Variants in PTBP3 observed in about 807,000 individuals in gnomAD.
PTBP3 encodes polypyrimidine tract-binding protein 3.
PTBP3 carries 20 observed loss-of-function variants against 58.7 expected under a neutral mutation model. That is an observed-to-expected ratio of 0.34 (90% confidence interval 0.24 to 0.50). PTBP3 has a LOEUF of 0.50. PTBP3 is among the 20% of genes least tolerant of loss of function. The pLI, the probability that PTBP3 is intolerant of heterozygous loss-of-function variation, is 0.98. For synonymous variants in PTBP3, 185 were observed against 219.8 expected (o/e 0.84, Z 1.40); for missense variants, 509 against 637.2 (o/e 0.80, Z 2.17).
At chr9:112,259,178 C>T (rs765466838) in intron 5 of PTBP3, among the ~76,000 whole-genome samples, 3 of 152,134 alleles carry the variant, frequency 2.0e-5, no homozygotes, top group African/African-American at 4.8e-5. Context: ...GTCTTGAACA[C>T]CTGAGCTCAG....
chr9:112,365,188 G>GT, the PTBP3 span, among the ~76,000 whole-genome samples: 1 of 151,936 alleles, frequency 6.6e-6, no homozygotes, highest in African/African-American at 2.4e-5. Flanking sequence ...ATATATGTAT[G>GT]TATCTATCTA....
intron 5 of PTBP3, among the ~76,000 whole-genome samples, chr9:112,256,286 TA>T (rs373621970): frequency 0.57 from 79,312 of 139,524 alleles, 24,697 homozygotes; most frequent in African/African-American, 0.83. Flanking sequence ...TATATATATA[TA>T]TATATACATA....
chr9:112,326,463 T>C (rs967479969), intron 1 of PTBP3, among the ~76,000 whole-genome samples: 2 of 152,204 alleles, frequency 1.3e-5, no homozygotes, highest in African/African-American at 4.8e-5. Context: ...ATGTGGCCCA[T>C]AGCCATAGTT....
chr9:112,333,450 C>G lies in PTBP3; in HGVS notation c.-52+20G>C. 6.4e-7 allele frequency: 1 copy of G among 1,574,150 alleles called. No homozygotes were observed. Among genetic ancestry groups the G allele is most frequent in the Non-Finnish European group, 8.6e-7 (1 of 1,160,978 alleles). ...GCGCCAAGGCAACCCGGTGCGGCCGCCGCGCCGCCTAGTACTTACCCATCC... is the reference window on the plus strand; with the variant it reads ...GCGCCAAGGCAACCCGGTGCGGCCGGCGCGCCGCCTAGTACTTACCCATCC... On this transcript the variant is annotated intron_variant, in intron 1 of 13. Transcript: ENST00000374257.
At chr9:112,376,112 CT>C in the PTBP3 span, among the ~76,000 whole-genome samples, 1 of 147,052 alleles carries the variant, frequency 6.8e-6, no homozygotes, top group Non-Finnish European at 1.5e-5. Flanking sequence ...GTTCTGGACC[CT>C]ACTTCTGGTA....
rs1225984758 is a variant in PTBP3, at chr9:112,221,195, A to G, written c.*2656T>C. ...CTTAATTTGGTTAATTTTGTCAATAAATTAAAATGTATGTAATGTGCATAT... is the reference window on the plus strand; with the variant it reads ...CTTAATTTGGTTAATTTTGTCAATAGATTAAAATGTATGTAATGTGCATAT... On this transcript the variant is annotated 3_prime_UTR_variant, in exon 14 of 14. Transcript: ENST00000374257. 1.0e-6 allele frequency: 1 copy of G among 985,572 alleles called. No homozygotes were observed. Among genetic ancestry groups the G allele is most frequent in the Non-Finnish European group, 1.2e-6 (1 of 829,674 alleles). 61.1% of individuals were successfully genotyped at this position (985,572 alleles called of 1,614,324 possible). A position where few individuals can be genotyped will look rare whatever the true frequency, so the allele number is the denominator to read the frequency against.
the PTBP3 span, among the ~76,000 whole-genome samples, chr9:112,370,513 A>T: frequency 6.6e-6 from 1 of 152,084 alleles, no homozygotes; most frequent in East Asian, 1.9e-4. Flanking sequence ...TGCATTCCAG[A>T]CTGGATGACA....
At chr9:112,226,937 T>A (rs1025296094) in intron 12 of PTBP3, among the ~76,000 whole-genome samples, 1 of 152,228 alleles carries the variant, frequency 6.6e-6, no homozygotes. Flanking sequence ...TAAAGAGACC[T>A]GTACAGTGGC....
rs138230252 is a variant in PTBP3 at position 112,261,634 on chromosome 9, G to A, written c.516+801C>T. ...AATGAAATCAACATATAGCTAAAGA[G>A]GACAAAAGCTGACTAAATTTTGGGG... On this transcript the variant is annotated intron_variant, in intron 5 of 13. Coordinates refer to ENST00000374257, the MANE Select transcript of PTBP3 (RefSeq NM_001163788.4). 2.6e-5 allele frequency among the ~76,000 whole-genome samples: 4 copies of A among 152,214 alleles called. No homozygotes were observed. The East Asian group carries it at 7.7e-4, about 29-fold the overall frequency.
rs1379124413 is a variant in PTBP3, at chr9:112,268,081, C to T, written c.319G>A (p.Glu107Lys). Residue 107 changes from glutamate (E) to lysine (K), a missense_variant, in exon 4 of 14, where the codon GAA (glutamate) becomes AAA (lysine). By Grantham distance (56) the Glu-to-Lys change is moderately conservative. This residue lies in a region of PTBP3 where 212 missense variants were observed against 215.3 expected (regional missense o/e 0.98). Coordinates refer to ENST00000374257, the MANE Select transcript of PTBP3 (RefSeq NM_001163788.4). ...PVYIQYSNHRELKTDNLPNQA... is the reference protein window; with the variant it reads ...PVYIQYSNHRKLKTDNLPNQA... ...TTAGGTAGATTGTCAGTCTTAAGTTCTCTGTGATTGGAATACTGAATATAA... is the reference window on the plus strand; with the variant it reads ...TTAGGTAGATTGTCAGTCTTAAGTTTTCTGTGATTGGAATACTGAATATAA... The T allele has an allele frequency of 1.2e-6, 2 of 1,613,280 alleles. No homozygotes were observed. The highest frequency in any genetic ancestry group is 1.7e-4 in the Middle Eastern group (1 of 6,058).
chr9:112,292,052 T>C (rs994988122), intron 2 of PTBP3, among the ~76,000 whole-genome samples: 5 of 152,126 alleles, frequency 3.3e-5, no homozygotes, highest in African/African-American at 1.2e-4. Context: ...CAAATTGAAG[T>C]CTGGGGACAG....
At chr9:112,366,003 A>G in the PTBP3 span, among the ~76,000 whole-genome samples, 1 of 152,292 alleles carries the variant, frequency 6.6e-6, no homozygotes, top group East Asian at 1.9e-4. Context: ...AGAAATTTGC[A>G]TAAGTGGCTG....
intron 1 of PTBP3, among the ~76,000 whole-genome samples, chr9:112,302,442 G>A (rs1205768535): frequency 1.3e-5 from 2 of 151,924 alleles, no homozygotes; most frequent in African/African-American, 2.4e-5. Flanking sequence ...TAAAAAAACT[G>A]GAAAGAAGAA....
At chr9:112,342,215 G>A in the PTBP3 span, among the ~76,000 whole-genome samples, 2 of 152,200 alleles carry the variant, frequency 1.3e-5, no homozygotes, top group Admixed American at 6.5e-5. Context: ...TAGTTTCTCA[G>A]GCCTTTGGAT....
chr9:112,248,337 G>A (rs557252963), intron 7 of PTBP3, among the ~76,000 whole-genome samples: 29 of 152,140 alleles, frequency 1.9e-4, no homozygotes, highest in African/African-American at 6.0e-4. Flanking sequence ...CTACAACTAA[G>A]TAAGAAAAAA....
chr9:112,320,291 A>AAATATAT (rs1411646280), intron 1 of PTBP3, among the ~76,000 whole-genome samples: 18 of 73,534 alleles, frequency 2.4e-4, no homozygotes, highest in African/African-American at 1.4e-3. Flanking sequence ...AAAAAAAAAA[A>AAATATAT]ATATATATAT....
the PTBP3 span, among the ~76,000 whole-genome samples, chr9:112,362,063 G>T: frequency 6.6e-6 from 1 of 152,192 alleles, no homozygotes; most frequent in African/African-American, 2.4e-5. Flanking sequence ...TTGGGGACAG[G>T]CATTGTGGCT....
chr9:112,335,054 A>G (rs1354698420), upstream of PTBP3, among the ~76,000 whole-genome samples: 4 of 152,224 alleles, frequency 2.6e-5, no homozygotes, highest in East Asian at 7.7e-4. Flanking sequence ...CAGTCTTTCT[A>G]TCACTGTATT....
the PTBP3 span, among the ~76,000 whole-genome samples, chr9:112,367,213 A>T: frequency 6.6e-6 from 1 of 152,190 alleles, no homozygotes. Flanking sequence ...TTTAATACAT[A>T]AAAAAACTTT....
Sources: allele counts gnomAD v4.1 joint callset (sites outside exome capture counted in the v4.1 genomes callset), GRCh38; gene constraint gnomAD v4.1.1; regional missense constraint gnomAD v4.1.1; transcripts MANE v1.5; gene names NCBI Gene and HGNC (gene_info 2026-07-23, HGNC 2026-07-21).